The following SEC23A variants were observed in gnomAD, a reference collection of about 807,000 sequenced individuals.
SEC23A encodes SEC23 homolog A, COPII component.
SEC23A carries 56 observed loss-of-function variants against 103.7 expected under a neutral mutation model. The ratio of observed to expected loss-of-function variants is 0.54; its 90% CI spans 0.44 to 0.67. The LOEUF is 0.67. SEC23A is among the 30% of genes least tolerant of loss of function. The pLI is 0.00. For synonymous variants in SEC23A, 281 were observed against 293.0 expected (o/e 0.96, Z 0.42); for missense variants, 784 against 936.4 (o/e 0.84, Z 2.12).
At chr14:39,079,349 T>C (rs1399386859) in intron 7 of SEC23A, among the ~76,000 whole-genome samples, 1 of 152,224 alleles carries the variant, frequency 6.6e-6, no homozygotes, top group African/African-American at 2.4e-5. Context: ...AGTATCCTTC[T>C]CTGTGTATAA....
At chr14:39,092,268 C>A (rs1566512896) in intron 4 of SEC23A, among the ~76,000 whole-genome samples, 1 of 152,140 alleles carries the variant, frequency 6.6e-6, no homozygotes, top group Non-Finnish European at 1.5e-5. Context: ...GTTAACTGAC[C>A]TTCCAACTAC....
At chr14:39,099,301 T>C (rs111745006) in intron 1 of SEC23A, among the ~76,000 whole-genome samples, 6,174 of 151,600 alleles carry the variant, frequency 0.041, 446 homozygotes, top group African/African-American at 0.14. Flanking sequence ...TGGGACTACA[T>C]GCGCGTGCCA....
chr14:39,096,328 C>T (rs1381414527), intron 1 of SEC23A, among the ~76,000 whole-genome samples, 189 bp from the exon 2 acceptor site: 1 of 151,972 alleles, frequency 6.6e-6, no homozygotes, highest in Non-Finnish European at 1.5e-5. Flanking sequence ...GTCGGGAGTT[C>T]GAGACCAGCC....
chr14:39,049,602 T>A (rs1885974478), intron 14 of SEC23A, among the ~76,000 whole-genome samples: 1 of 151,376 alleles, frequency 6.6e-6, no homozygotes, highest in Admixed American at 6.6e-5. Context: ...CATAGCGAGA[T>A]CCTGTCTCTA....
intron 1 of SEC23A, among the ~76,000 whole-genome samples, chr14:39,101,617 C>T (rs1422052666): frequency 3.4e-5 from 5 of 146,688 alleles, no homozygotes; most frequent in African/African-American, 1.0e-4. Flanking sequence ...AGCGAGACTC[C>T]GTCTCAAAAA....
intron 12 of SEC23A, among the ~76,000 whole-genome samples, chr14:39,062,368 G>T (rs1886507103): frequency 6.6e-6 from 1 of 152,110 alleles, no homozygotes; most frequent in African/African-American, 2.4e-5. Context: ...TTCTTTGAGT[G>T]TCATGTCAGC....
intron 8 of SEC23A, among the ~76,000 whole-genome samples, chr14:39,074,850 G>A (rs1886960929): frequency 6.6e-6 from 1 of 152,218 alleles, no homozygotes; most frequent in South Asian, 2.1e-4. Flanking sequence ...GCTCACGCCT[G>A]TAATCCCAGC....
intron 7 of SEC23A, among the ~76,000 whole-genome samples, chr14:39,084,843 G>A (rs566670982): frequency 1.3e-5 from 2 of 152,154 alleles, no homozygotes; most frequent in East Asian, 3.9e-4. Context: ...GCTAATTTTT[G>A]TATTTTTGGC....
chr14:39,094,363 C>CAT (rs201744323), intron 2 of SEC23A, among the ~76,000 whole-genome samples: 1 of 43,072 alleles, frequency 2.3e-5, no homozygotes, highest in Non-Finnish European at 4.2e-5. Context: ...TACACATATA[C>CAT]ATATATATAT....
At chr14:39,062,256 T>C (rs981645156) in intron 12 of SEC23A, among the ~76,000 whole-genome samples, 1 of 152,196 alleles carries the variant, frequency 6.6e-6, no homozygotes, top group Non-Finnish European at 1.5e-5. Context: ...CCGAAATGTT[T>C]TGGATTTTGT....
intron 15 of SEC23A, among the ~76,000 whole-genome samples, chr14:39,045,891 G>A (rs894133608): frequency 8.5e-6 from 1 of 117,456 alleles, no homozygotes; most frequent in Non-Finnish European, 1.8e-5. Flanking sequence ...TTATATGGCT[G>A]ATATGATTTG....
chr14:39,046,491 T>C (rs1345548514), intron 15 of SEC23A, among the ~76,000 whole-genome samples: 2 of 151,796 alleles, frequency 1.3e-5, no homozygotes, highest in Non-Finnish European at 2.9e-5. Flanking sequence ...AATAAATAAA[T>C]AAACAAACCT....
intron 18 of SEC23A, chr14:39,040,455 G>A: frequency 2.2e-6 from 1 of 448,178 alleles, no homozygotes; most frequent in South Asian, 3.0e-5. Flanking sequence ...TTCAACCAAA[G>A]CTAGTATACC....
intron 16 of SEC23A, among the ~76,000 whole-genome samples, chr14:39,044,432 C>T (rs1009221745): frequency 3.3e-5 from 5 of 151,558 alleles, no homozygotes; most frequent in South Asian, 2.1e-4. Flanking sequence ...ATCATTGTAA[C>T]GAAATAAAAT....
intron 17 of SEC23A, among the ~76,000 whole-genome samples, chr14:39,041,595 C>T (rs923572014): frequency 1.4e-4 from 21 of 151,410 alleles, no homozygotes; most frequent in Non-Finnish European, 1.3e-4. Flanking sequence ...GTAGGTCGGG[C>T]GCGATGGCTC....
At chr14:39,055,411 T>A (rs1200418728) in intron 13 of SEC23A, 115 bp from the exon 14 acceptor site, 2 of 256,510 alleles carry the variant, frequency 7.8e-6, no homozygotes, top group African/African-American at 9.4e-5. Flanking sequence ...ACTACTAGGA[T>A]TTTTTTTTTT....
chr14:39,064,980 A>G lies in SEC23A; in HGVS notation c.1241T>C (p.Ile414Thr), dbSNP rs1886608292. The G allele has an allele frequency of 6.2e-7, 1 of 1,611,998 alleles. No homozygotes were observed. The highest frequency in any genetic ancestry group is 1.3e-5 in the African/African-American group (1 of 74,950). ...GGGTCCAATAGCTCCTGAAATCTTT[A>G]TTTCCCTTGAGGTCTGCAAAATAAG... ...GTLEIKTSREIKISGAIGPCV... is the reference protein window; with the variant it reads ...GTLEIKTSRETKISGAIGPCV... Residue 414 changes from isoleucine to threonine, a missense_variant, in exon 11 of 20, where the codon ATA (isoleucine) becomes ACA (threonine). Physicochemically the swap from Ile to Thr is moderately conservative, Grantham distance 89 (BLOSUM62 -1). Transcript: ENST00000307712.
At chr14:39,077,239 A>AG (rs1341508304) in intron 7 of SEC23A, among the ~76,000 whole-genome samples, 22 of 135,084 alleles carry the variant, frequency 1.6e-4, no homozygotes, top group Admixed American at 3.1e-4. Flanking sequence ...AAAAAAAAAA[A>AG]AAAAAAAAAA....
chr14:39,051,213 A>G (rs1886047307), intron 14 of SEC23A, among the ~76,000 whole-genome samples: 1 of 152,214 alleles, frequency 6.6e-6, no homozygotes, highest in Non-Finnish European at 1.5e-5. Context: ...AAAAAGAAAC[A>G]TCATTTTTTG....
Sources: allele counts gnomAD v4.1 joint callset (sites outside exome capture counted in the v4.1 genomes callset), GRCh38; gene constraint gnomAD v4.1.1; transcripts MANE v1.5; gene names NCBI Gene and HGNC (gene_info 2026-07-23, HGNC 2026-07-21).